The following TXNDC8 variants were observed in gnomAD, a reference collection of about 807,000 sequenced individuals.
TXNDC8 encodes thioredoxin domain containing 8.
A neutral mutation model predicts 12.9 loss-of-function variants in TXNDC8; 15 were observed. The observed-to-expected ratio is 1.16, with a 90% CI of 0.78 to 1.79. The LOEUF is 1.79. TXNDC8 is among the 40% of genes most tolerant of loss of function. TXNDC8 has a pLI of 0.00. For synonymous variants in TXNDC8, 40 were observed against 35.4 expected, an observed-to-expected ratio of 1.13 and a Z score of -0.46; for missense variants, 128 against 113.2, an observed-to-expected ratio of 1.13 and a Z score of -0.59.
chr9:110,321,743 AAT>A (rs1491561219), intron 3 of TXNDC8, among the ~76,000 whole-genome samples: 5 of 149,902 alleles, frequency 3.3e-5, no homozygotes, highest in African/African-American at 7.4e-5. Flanking sequence ...AAAAAAAGGA[AAT>A]TTATAGGAAC....
chr9:110,337,439 C>T (rs1839800446), intron 1 of TXNDC8, among the ~76,000 whole-genome samples: 1 of 152,120 alleles, frequency 6.6e-6, no homozygotes, highest in South Asian at 2.1e-4. Context: ...TTCCTTACTT[C>T]CATGGAATTT....
chr9:110,305,427 G>A (rs902714301), intron 3 of TXNDC8, among the ~76,000 whole-genome samples: 2 of 152,046 alleles, frequency 1.3e-5, no homozygotes, highest in Non-Finnish European at 2.9e-5. Flanking sequence ...ATCTTTGTAG[G>A]GATATCTTTG....
intron 3 of TXNDC8, among the ~76,000 whole-genome samples, chr9:110,319,022 T>G (rs1838989812): frequency 6.6e-6 from 1 of 152,238 alleles, no homozygotes; most frequent in Non-Finnish European, 1.5e-5. Flanking sequence ...GCTAGATGTT[T>G]CTAAATAGTT....
At chr9:110,301,752 G>C (rs1204856018), downstream of TXNDC8, among the ~76,000 whole-genome samples, 1 of 152,142 alleles carries the variant, frequency 6.6e-6, no homozygotes. Flanking sequence ...AGGAATACTT[G>C]GAAATACCCC....
chr9:110,316,268 AGAG>A (rs1838883116), intron 3 of TXNDC8, among the ~76,000 whole-genome samples: 2 of 152,130 alleles, frequency 1.3e-5, no homozygotes, highest in East Asian at 1.9e-4. Context: ...TTTTTTAAAA[AGAG>A]GAGTTTACTA....
chr9:110,325,128 C>T (rs1444126505), intron 3 of TXNDC8, among the ~76,000 whole-genome samples: 1 of 150,744 alleles, frequency 6.6e-6, no homozygotes, highest in Admixed American at 6.6e-5. Context: ...CCCCCACCCC[C>T]GAAAAAAAAA....
chr9:110,306,856 C>T (rs1838488582), intron 3 of TXNDC8, among the ~76,000 whole-genome samples: 1 of 152,172 alleles, frequency 6.6e-6, no homozygotes. Context: ...GTACTCTGGG[C>T]ATCGCAGTAT....
intron 1 of TXNDC8, among the ~76,000 whole-genome samples, chr9:110,336,326 C>G (rs562215003): frequency 1.3e-5 from 2 of 152,330 alleles, no homozygotes; most frequent in East Asian, 1.9e-4. Flanking sequence ...AGAAGATGCA[C>G]TCTCTTTCTT....
intron 4 of TXNDC8, among the ~76,000 whole-genome samples, chr9:110,304,145 GAAAGATGGAATTC>G (rs912935774): frequency 6.6e-6 from 1 of 152,140 alleles, no homozygotes; most frequent in Non-Finnish European, 1.5e-5. Flanking sequence ...CTTTTTTGAA[GAAAGATGGAATTC>G]AAAGATGGAA....
chr9:110,319,075 C>G (rs1044923279), intron 3 of TXNDC8, among the ~76,000 whole-genome samples: 1 of 152,130 alleles, frequency 6.6e-6, no homozygotes, highest in African/African-American at 2.4e-5. Context: ...TTAGTTCTTG[C>G]CCCCCGACCC....
intron 3 of TXNDC8, chr9:110,323,679 A>G: frequency 1.8e-6 from 1 of 570,146 alleles, no homozygotes; most frequent in Non-Finnish European, 2.7e-6. Flanking sequence ...ATAGCTGAAG[A>G]ATCTATGGGG....
At chr9:110,318,762 A>G (rs1023418301) in intron 3 of TXNDC8, among the ~76,000 whole-genome samples, 7 of 152,336 alleles carry the variant, frequency 4.6e-5, no homozygotes, top group African/African-American at 1.4e-4. Flanking sequence ...TTTAAGGGGT[A>G]GCTGCCAAAA....
At chr9:110,309,181 CTG>C (rs1225492283) in intron 3 of TXNDC8, among the ~76,000 whole-genome samples, 2 of 152,192 alleles carry the variant, frequency 1.3e-5, no homozygotes, top group Admixed American at 6.5e-5. Flanking sequence ...GCATAAGAGA[CTG>C]AATTTTCTTA....
At chr9:110,302,007 T>G (rs1254921723), downstream of TXNDC8, among the ~76,000 whole-genome samples, 1 of 152,102 alleles carries the variant, frequency 6.6e-6, no homozygotes, top group African/African-American at 2.4e-5. Flanking sequence ...TTTTTATTTT[T>G]GAGACTGAGT....
chr9:110,328,666 C>T (rs1168360175), intron 2 of TXNDC8, among the ~76,000 whole-genome samples: 8 of 151,992 alleles, frequency 5.3e-5, no homozygotes, highest in African/African-American at 1.2e-4. Flanking sequence ...ATTAGCCGGG[C>T]GTGGTGGCAC....
At chr9:110,311,521 G>GATATATA (rs1491185921) in intron 3 of TXNDC8, among the ~76,000 whole-genome samples, 4 of 41,246 alleles carry the variant, frequency 9.7e-5, no homozygotes, top group African/African-American at 2.4e-4. Flanking sequence ...AAATAAAGAG[G>GATATATA]TATATATATA....
chr9:110,317,055 C>T (rs1838909908), intron 3 of TXNDC8, among the ~76,000 whole-genome samples: 1 of 152,194 alleles, frequency 6.6e-6, no homozygotes, highest in African/African-American at 2.4e-5. Context: ...CATGCAACTG[C>T]CTAAGAGCTA....
At chr9:110,323,185 G>A in intron 3 of TXNDC8, 1 of 985,326 alleles carries the variant, frequency 1.0e-6, no homozygotes, top group Non-Finnish European at 1.2e-6. Context: ...AATTGTCTAA[G>A]TAAAAAAGTA....
chr9:110,313,561 C>T (rs544184077), intron 3 of TXNDC8, among the ~76,000 whole-genome samples: 1 of 152,042 alleles, frequency 6.6e-6, no homozygotes, highest in Non-Finnish European at 1.5e-5. Flanking sequence ...ATTAGCCAGG[C>T]GTGGTGGCAC....
Sources: allele counts gnomAD v4.1 joint callset (sites outside exome capture counted in the v4.1 genomes callset), GRCh38; gene constraint gnomAD v4.1.1; transcripts MANE v1.5; gene names NCBI Gene and HGNC (gene_info 2026-07-23, HGNC 2026-07-21).